Variants in FAM228B observed in about 807,000 individuals in gnomAD.
FAM228B encodes the protein family with sequence similarity 228 member B.
Under a neutral mutation model 42.6 loss-of-function variants are expected in FAM228B, and 38 were observed. That is an observed-to-expected ratio of 0.89 (90% confidence interval 0.69 to 1.17). FAM228B has a LOEUF of 1.17. Ranked by LOEUF, FAM228B falls within the 50% of genes most tolerant of loss-of-function variation. The pLI, the probability that FAM228B is intolerant of heterozygous loss-of-function variation, is 0.00. For missense variants in FAM228B, 344 were observed against 367.3 expected (o/e 0.94, Z 0.52); for synonymous variants, 109 against 122.3 (o/e 0.89, Z 0.72).
At position 24,143,792 on chromosome 2, in the gene FAM228B, A is replaced by T. The variant is rs540013063; in HGVS notation, c.442-2956A>T. ...TCTGTTTTAATTTCTAATATAGTAA[A>T]TATCAATAGATCTAAGCCATATACA... On this transcript the variant is annotated intron_variant, in intron 5 of 10. Transcript: ENST00000615575. Among the ~76,000 whole-genome samples, 11 of 152,314 alleles carry T rather than the reference A, an allele frequency of 7.2e-5. No individual in the cohort carries two copies. In the South Asian group the frequency reaches 2.1e-3, roughly 29 times the overall value.
chr2:24,093,718 C>T (rs1029435787), intron 2 of FAM228B, among the ~76,000 whole-genome samples: 10 of 150,968 alleles, frequency 6.6e-5, no homozygotes, highest in East Asian at 4.0e-4. Flanking sequence ...TGGGTTCAAG[C>T]GATTCTCCTG....
In FAM228B at chr2:24,109,426, G is replaced by A. The variant is rs185882368; in HGVS notation, c.-121+14197G>A. Among the ~76,000 whole-genome samples, 20 of 152,120 alleles carry A rather than the reference G, an allele frequency of 1.3e-4. 1 individual carries two copies. Among genetic ancestry groups the A allele is most frequent in the Admixed American group, 3.9e-4 (6 of 15,264 alleles). On this transcript the variant is annotated intron_variant, in intron 3 of 10. Transcript: ENST00000613899. Reference sequence around the variant, plus strand: ...TGAAGACACCAAAAGCAATTGCAACGAAACAAAAATTGACAAATGGCATGT... The same window carrying A: ...TGAAGACACCAAAAGCAATTGCAACAAAACAAAAATTGACAAATGGCATGT...
rs754967963 is a variant in FAM228B at position 24,077,602 on chromosome 2, T to A, written c.-290+633T>A. Reference sequence around the variant, plus strand: ...CTTCACTGGGGCAGTTCCAGGACGATCTTGCCTATGTTCTTGTTGGCCTCC... The same window carrying A: ...CTTCACTGGGGCAGTTCCAGGACGAACTTGCCTATGTTCTTGTTGGCCTCC... On this transcript the variant is annotated intron_variant, in intron 1 of 10. Transcript: ENST00000613899. The surrounding 1 kb of genome is among the most constrained non-coding windows in gnomAD (Gnocchi z 5.5). The A allele has an allele frequency of 6.2e-7, 1 of 1,611,104 alleles. No homozygotes were observed. The highest frequency in any genetic ancestry group is 1.3e-5 in the African/African-American group (1 of 74,754).
At chr2:24,083,149 G>A (rs753459726) in intron 2 of FAM228B, 2 of 1,604,400 alleles carry the variant, frequency 1.2e-6, no homozygotes, top group Admixed American at 3.4e-5. Context: ...TACTGGCCTT[G>A]TCTCTGCAGA....
intron 7 of FAM228B, among the ~76,000 whole-genome samples, chr2:24,159,715 T>C (rs762081715): frequency 6.6e-6 from 1 of 152,222 alleles, no homozygotes; most frequent in Non-Finnish European, 1.5e-5. Context: ...TGGGATCATT[T>C]TCCTTTTTTC....
chr2:24,152,376 T>G (rs1246095181), intron 7 of FAM228B, among the ~76,000 whole-genome samples: 1 of 152,198 alleles, frequency 6.6e-6, no homozygotes, highest in Non-Finnish European at 1.5e-5. Context: ...TCCTGGATGG[T>G]GTTGATGCTT....
intron 5 of FAM228B, among the ~76,000 whole-genome samples, chr2:24,145,927 C>G (rs6736335): frequency 0.86 from 130,269 of 152,062 alleles, 57,292 homozygotes; most frequent in South Asian, 0.95. Flanking sequence ...CTGACCTTGT[C>G]ATCCGCCTGC....
intron 5 of FAM228B, among the ~76,000 whole-genome samples, chr2:24,142,227 T>G (rs972598318): frequency 1.3e-5 from 2 of 152,110 alleles, no homozygotes; most frequent in African/African-American, 4.8e-5. Flanking sequence ...CCCTTTCAAT[T>G]TCCCCAGTAC....
intron 2 of FAM228B, among the ~76,000 whole-genome samples, chr2:24,090,562 CAAAAAAA>C (rs58611623): frequency 1.8e-4 from 15 of 81,652 alleles, no homozygotes; most frequent in Admixed American, 4.7e-4. Flanking sequence ...CCTCCCATCT[CAAAAAAA>C]AAAAAAAAAA....
chr2:24,128,970 G>A (rs888832184), intron 2 of FAM228B, among the ~76,000 whole-genome samples: 3 of 151,946 alleles, frequency 2.0e-5, no homozygotes, highest in African/African-American at 7.3e-5. Context: ...AACACTCCTG[G>A]GACTGTGTGA....
chr2:24,090,811 G>A (rs899345138), intron 2 of FAM228B, among the ~76,000 whole-genome samples: 3 of 151,988 alleles, frequency 2.0e-5, no homozygotes, highest in East Asian at 3.9e-4. Flanking sequence ...TTTTTTAAAA[G>A]ACAAGGTCTC....
chr2:24,079,236 T>C, intron 1 of FAM228B: 1 of 572,266 alleles, frequency 1.7e-6, no homozygotes, highest in Non-Finnish European at 3.1e-6. Context: ...AAGTATCAGC[T>C]ACACTTCTTT....
intron 9 of FAM228B, among the ~76,000 whole-genome samples, chr2:24,165,679 T>G (rs1667387019): frequency 6.6e-6 from 1 of 152,166 alleles, no homozygotes; most frequent in Admixed American, 6.5e-5. Context: ...GCTTGACTCC[T>G]TCCTCTCCCA....
intron 1 of FAM228B, among the ~76,000 whole-genome samples, chr2:24,078,669 A>G (rs1387566663): frequency 6.6e-6 from 1 of 152,156 alleles, no homozygotes; most frequent in Non-Finnish European, 1.5e-5. Flanking sequence ...AGCCTGGAGT[A>G]AAATGTTAGT....
upstream of FAM228B, chr2:24,122,491 G>C: frequency 6.2e-7 from 1 of 1,614,116 alleles, no homozygotes; most frequent in Non-Finnish European, 8.5e-7. Context: ...CCACATGCTT[G>C]GTTCCCAAGA....
chr2:24,166,508 T>C (rs1199901775), intron 9 of FAM228B: 1 of 152,100 alleles, frequency 6.6e-6, no homozygotes, highest in East Asian at 1.9e-4. Context: ...GCTTGCTTGC[T>C]TGCTTCCTCA....
intron 2 of FAM228B, among the ~76,000 whole-genome samples, chr2:24,091,967 C>A (rs1665400727): frequency 6.6e-6 from 1 of 152,038 alleles, no homozygotes; most frequent in Non-Finnish European, 1.5e-5. Context: ...AGTGTTGGCT[C>A]ACATCTGTAA....
intron 5 of FAM228B, 138 bp from the exon 6 acceptor site, chr2:24,146,610 T>C (rs1378338483): frequency 3.6e-6 from 2 of 562,706 alleles, no homozygotes; most frequent in Admixed American, 3.4e-5. Context: ...AATATAATGG[T>C]AAGCCTGCTA....
intron 5 of FAM228B, among the ~76,000 whole-genome samples, chr2:24,143,952 G>T (rs1666827585): frequency 6.7e-6 from 1 of 149,236 alleles, no homozygotes; most frequent in Non-Finnish European, 1.5e-5. Flanking sequence ...GGCGGAGGTT[G>T]CAGTAAGCTG....
Sources: gnomAD v4.1 joint callset for allele counts (sites outside exome capture counted in the v4.1 genomes callset) on GRCh38, gnomAD v4.1.1 for gene constraint, Gnocchi (gnomAD v3.1) non-coding constraint, MANE v1.5 for transcripts, NCBI Gene and HGNC (gene_info 2026-07-23, HGNC 2026-07-21) for gene names.